CDR2: variants seen among roughly 807,000 people sequenced by gnomAD.
The protein encoded by CDR2 is cerebellar degeneration-related protein 2.
A neutral mutation model predicts 48.4 loss-of-function variants in CDR2; 34 were observed. The observed-to-expected ratio is 0.70, with a 90% CI of 0.53 to 0.94. CDR2 has a LOEUF of 0.94. Among genes scored for constraint, CDR2 ranks in the 40% least tolerant of loss-of-function variants. The probability of loss-of-function intolerance (pLI) is 0.00; values close to 1 mark genes in which losing one functional copy is unlikely to be tolerated. For missense variants in CDR2, 498 were observed against 549.5 expected, an observed-to-expected ratio of 0.91 and a Z score of 0.94; for synonymous variants, 240 against 219.7, an observed-to-expected ratio of 1.09 and a Z score of -0.82.
intron 1 of CDR2, among the ~76,000 whole-genome samples, chr16:22,373,439 G>A (rs1032926835): frequency 1.3e-5 from 2 of 152,200 alleles, no homozygotes; most frequent in Non-Finnish European, 2.9e-5. Flanking sequence ...AGGAAGAGAT[G>A]GGGTTTGAGC....
Position 22,362,954 on chromosome 16 carries a change from CT to C in CDR2, c.192+1947del, listed in dbSNP as rs1278079544. 3.9e-3 allele frequency among the ~76,000 whole-genome samples: 541 copies of C among 137,662 alleles called. 1 individual carries two copies. Among genetic ancestry groups the C allele is most frequent in the East Asian group, 6.7e-3 (32 of 4,772 alleles). 90.3% of individuals were successfully genotyped at this position (137,662 alleles called of 152,430 possible). On this transcript the variant is annotated intron_variant, in intron 2 of 4. Transcript: ENST00000268383. ...GTTTCTGGCAAACTCTACAGTAGGT[CT>C]TTTTTTTTTTTTTTTGAGATGGAGT... is the stretch of plus-strand genomic sequence containing the variant.
intron 4 of CDR2, among the ~76,000 whole-genome samples, chr16:22,348,231 C>A (rs2141842133): frequency 6.6e-6 from 1 of 152,248 alleles, no homozygotes; most frequent in African/African-American, 2.4e-5. Context: ...GCCACCACAC[C>A]CGGCCAACAG....
At chr16:22,373,776 C>G (rs1194095297) in intron 1 of CDR2, among the ~76,000 whole-genome samples, 4 of 152,242 alleles carry the variant, frequency 2.6e-5, no homozygotes, top group Admixed American at 6.5e-5. Flanking sequence ...GCGCACAGCT[C>G]CCGCTACGCC....
chr16:22,349,424 A>C lies in CDR2; in HGVS notation c.361T>G (p.Cys121Gly), dbSNP rs765463958. The change falls in exon 4 of 5, where the codon TGC becomes GGC. Residue 121 changes from cysteine to glycine, a missense_variant. By Grantham distance (159) the Cys-to-Gly change is radical. Transcript: ENST00000268383. ...AGGTGATCAATGTTGGTTTGCAGGC[A>C]TTCAATCGTTTCAGTCAGGCTGTGA... ...KILSLTETIE[C>G]LQTNIDHLQS... The C allele has an allele frequency of 7.4e-6, 12 of 1,614,146 alleles. No individual in the cohort carries two copies. The highest frequency in any genetic ancestry group is 5.0e-5 in the Admixed American group (3 of 60,018).
intron 4 of CDR2, among the ~76,000 whole-genome samples, chr16:22,348,925 T>A (rs957787303): frequency 1.3e-5 from 2 of 152,222 alleles, no homozygotes; most frequent in African/African-American, 4.8e-5. Context: ...ATAAAGGTAC[T>A]TCTTTAAGCA....
intron 1 of CDR2, among the ~76,000 whole-genome samples, chr16:22,373,678 TCATGTACCCCACAAATATATACACCTAC>T (rs2049093994): frequency 6.6e-6 from 1 of 152,238 alleles, no homozygotes; most frequent in South Asian, 2.1e-4. Flanking sequence ...TCCAAACATC[TCATGTACCCCACAAATATATACACCTAC>T]CATGTACCCT....
chr16:22,360,747 T>C (rs899260194), intron 2 of CDR2, among the ~76,000 whole-genome samples: 7 of 106,082 alleles, frequency 6.6e-5, no homozygotes, highest in African/African-American at 3.2e-4. Context: ...ATCTTTTTTT[T>C]TTTTTTTTTT....
intron 2 of CDR2, among the ~76,000 whole-genome samples, chr16:22,360,095 T>C (rs1439829226): frequency 6.6e-6 from 1 of 152,176 alleles, no homozygotes; most frequent in African/African-American, 2.4e-5. Context: ...TAGGGGATAA[T>C]GCAGGTGTCT....
chr16:22,350,471 C>T (rs1010169019), intron 2 of CDR2, among the ~76,000 whole-genome samples: 1 of 152,188 alleles, frequency 6.6e-6, no homozygotes, highest in Non-Finnish European at 1.5e-5. Context: ...AGATCTAACC[C>T]TCTAATCATG....
chr16:22,371,046 A>G (rs1486647768), intron 1 of CDR2, among the ~76,000 whole-genome samples: 1 of 152,122 alleles, frequency 6.6e-6, no homozygotes, highest in Non-Finnish European at 1.5e-5. Flanking sequence ...CCCCGTCTCT[A>G]CTAAAAATAC....
In CDR2 at chr16:22,374,515, G is replaced by GACGGCCCCA. The variant is rs2049105692; in HGVS notation, c.-215_-207dup. On this transcript the variant is annotated 5_prime_UTR_variant, in exon 1 of 5. Transcript: ENST00000268383. ...TGCCTCGACTCGCCTCGCGCCTACC[G>GACGGCCCCA]ACGGCCCCAACGGCCGGGCATTACG... The GACGGCCCCA allele has an allele frequency of 4.4e-6, 1 of 224,992 alleles. No individual in the cohort carries two copies. The highest frequency in any genetic ancestry group is 9.9e-5 in the East Asian group (1 of 10,086). 13.9% of individuals were successfully genotyped at this position (224,992 alleles called of 1,614,324 possible).
chr16:22,358,458 G>C (rs868406545), intron 2 of CDR2, among the ~76,000 whole-genome samples: 6 of 152,092 alleles, frequency 3.9e-5, no homozygotes, highest in African/African-American at 1.4e-4. Flanking sequence ...CTACAAACAG[G>C]CCACCTTTAC....
chr16:22,358,686 G>C (rs1454667021), intron 2 of CDR2, among the ~76,000 whole-genome samples: 2 of 152,072 alleles, frequency 1.3e-5, no homozygotes, highest in Non-Finnish European at 2.9e-5. Context: ...CTATCAAAAT[G>C]AACTTCCACA....
rs1390481107 is a variant in CDR2 at position 22,347,187 on chromosome 16, G to A, written c.1143C>T (p.Thr381=). 3.1e-6 allele frequency: 5 copies of A among 1,614,080 alleles called. No homozygotes were observed. Among genetic ancestry groups the A allele is most frequent in the African/African-American group, 2.7e-5 (2 of 74,942 alleles). The change falls in exon 5 of 5, where the codon ACC becomes ACT. Residue 381 remains threonine (T), a synonymous_variant. Transcript: ENST00000268383. ...QDSLSHKAVQ[T]SRAAAKDLTG... ...TCAGGTCCTTGGCTGCAGCCCTGGA[G>A]GTCTGCACAGCCTTGTGTGACAGGG... is the stretch of plus-strand genomic sequence containing the variant.
intron 2 of CDR2, among the ~76,000 whole-genome samples, chr16:22,362,822 A>C (rs576239244): frequency 6.6e-6 from 1 of 152,312 alleles, no homozygotes; most frequent in South Asian, 2.1e-4. Context: ...CCTAGCCTCA[A>C]GCAATTCTTC....
In CDR2 at chr16:22,347,830, A is replaced by T. The variant is rs772811607; in HGVS notation, c.507-7T>A. 2 of 1,595,692 alleles carry T rather than the reference A, an allele frequency of 1.3e-6. No individual in the cohort carries two copies. Among genetic ancestry groups the T allele is most frequent in the Admixed American group, 3.4e-5 (2 of 58,570 alleles). ...ATGATCATACACGAAGTGTCTAGGG[A>T]AAAAAATATTGAAAGAATATATTAC... On this transcript the variant is annotated splice_polypyrimidine_tract_variant and splice_region_variant and intron_variant, in intron 4 of 4. Coordinates refer to ENST00000268383, the MANE Select transcript of CDR2 (RefSeq NM_001802.2).
rs2049099742 is a variant in CDR2, at chr16:22,374,110, G to C, written c.79+121C>G. ...CACGGCCGGCCCAGCCGCCAGGTGA[G>C]CCTGAGCCCTTCCCGGCACCTGCAT... is the stretch of plus-strand genomic sequence containing the variant. On this transcript the variant is annotated intron_variant, in intron 1 of 4. Transcript: ENST00000268383. The C allele has an allele frequency of 4.3e-5, 27 of 633,328 alleles. No individual in the cohort carries two copies. The South Asian group carries it at 4.5e-4, about 11-fold the overall frequency. 39.2% of individuals were successfully genotyped at this position (633,328 alleles called of 1,614,324 possible).
At chr16:22,371,431 G>A (rs902620602) in intron 1 of CDR2, among the ~76,000 whole-genome samples, 1 of 152,194 alleles carries the variant, frequency 6.6e-6, no homozygotes, top group Admixed American at 6.5e-5. Context: ...CATCCCATGA[G>A]GCGGCACCTC....
At chr16:22,363,234 G>A (rs369563038) in intron 2 of CDR2, among the ~76,000 whole-genome samples, 2 of 152,128 alleles carry the variant, frequency 1.3e-5, no homozygotes, top group African/African-American at 2.4e-5. Flanking sequence ...GAGCCATCGC[G>A]CCCGGCCTAC....
Sources: allele counts gnomAD v4.1 joint callset (sites outside exome capture counted in the v4.1 genomes callset), GRCh38; gene constraint gnomAD v4.1.1; transcripts MANE v1.5; gene names NCBI Gene and HGNC (gene_info 2026-07-23, HGNC 2026-07-21).